Variants in DCP2 observed in about 807,000 individuals in gnomAD.
DCP2 encodes m7GpppN-mRNA hydrolase.
In DCP2, 30 loss-of-function variants were observed where a neutral mutation model predicts 56.1. The observed-to-expected ratio is 0.53, with a 90% confidence interval of 0.40 to 0.73. DCP2 has a LOEUF of 0.73. DCP2 is among the 30% of genes least tolerant of loss of function. The pLI is 0.00. For missense variants in DCP2, 533 were observed against 502.7 expected (o/e 1.06, Z -0.58); for synonymous variants, 197 against 163.3 (o/e 1.21, Z -1.57).
At chr5:113,009,982 T>G (rs1449166594) in intron 9 of DCP2, among the ~76,000 whole-genome samples, 1 of 150,766 alleles carries the variant, frequency 6.6e-6, no homozygotes, top group Non-Finnish European at 1.5e-5. Flanking sequence ...GCACGTACAT[T>G]GTTTACTGTA....
chr5:112,992,636 G>A (rs768389320), intron 3 of DCP2, 36 bp from the exon 4 acceptor site: 1 of 1,441,826 alleles, frequency 6.9e-7, no homozygotes. Context: ...TGGAAAAGGA[G>A]GGCAAGTTTG....
At chr5:112,986,175 C>A (rs1439494881) in intron 2 of DCP2, among the ~76,000 whole-genome samples, 189 bp downstream of exon 2, 2 of 151,982 alleles carry the variant, frequency 1.3e-5, no homozygotes, top group African/African-American at 4.8e-5. Flanking sequence ...ATCATTAATA[C>A]TCATAATAAT....
At chr5:113,008,312 G>A in intron 9 of DCP2, 1 of 273,276 alleles carries the variant, frequency 3.7e-6, no homozygotes. Flanking sequence ...CTGTTCTCTA[G>A]AGCAATTATT....
intron 2 of DCP2, among the ~76,000 whole-genome samples, chr5:112,990,120 A>C (rs954933199): frequency 1.3e-5 from 2 of 152,186 alleles, no homozygotes; most frequent in African/African-American, 2.4e-5. Context: ...CAAGAAAATG[A>C]GAAATGTAGG....
chr5:112,987,241 A>G (rs983028224), intron 2 of DCP2, among the ~76,000 whole-genome samples: 3 of 152,188 alleles, frequency 2.0e-5, no homozygotes, highest in African/African-American at 4.8e-5. Flanking sequence ...TTGAGGGAAT[A>G]TAGGATTTTC....
chr5:113,015,361 GTTTT>G lies in DCP2; in HGVS notation c.*1885_*1888del, dbSNP rs78406920. The G allele has an allele frequency of 6.9e-6, 1 of 145,980 alleles. No individual in the cohort carries two copies. The highest frequency in any genetic ancestry group is 2.5e-5 in the African/African-American group (1 of 39,962). The allele number at this position is 145,980 out of a possible 1,614,324, so 9.0% of individuals were successfully genotyped here. A position where few individuals can be genotyped will look rare whatever the true frequency, so the allele number is the denominator to read the frequency against. Reference sequence around the variant, plus strand: ...ACTGTTTTTTATTTTTTTGGTATGTGTTTTTTTTTTTCTTTTTAAGTGCATACTT... The same window carrying G: ...ACTGTTTTTTATTTTTTTGGTATGTGTTTTTTTCTTTTTAAGTGCATACTT... On this transcript the variant is annotated 3_prime_UTR_variant, in exon 11 of 11. Coordinates refer to ENST00000389063, the MANE Select transcript of DCP2 (RefSeq NM_152624.6).
chr5:112,984,706 A>G (rs1010122903), intron 1 of DCP2: 1 of 120,698 alleles, frequency 8.3e-6, no homozygotes, highest in African/African-American at 3.7e-5. Context: ...AAAAAAAAAT[A>G]TATATATATA....
intron 2 of DCP2, among the ~76,000 whole-genome samples, chr5:112,987,115 T>C (rs1748325982): frequency 6.6e-6 from 1 of 152,206 alleles, no homozygotes; most frequent in Admixed American, 6.5e-5. Context: ...ATATTTAACA[T>C]TATAAAAGAA....
chr5:112,987,595 G>A (rs1458791575), intron 2 of DCP2, among the ~76,000 whole-genome samples: 1 of 145,114 alleles, frequency 6.9e-6, no homozygotes, highest in Non-Finnish European at 1.5e-5. Flanking sequence ...TGGGACTACA[G>A]GTGCAAGCCA....
At chr5:113,011,600 ACTGT>A (rs1749683212) in intron 10 of DCP2, among the ~76,000 whole-genome samples, 1 of 152,202 alleles carries the variant, frequency 6.6e-6, no homozygotes, top group Non-Finnish European at 1.5e-5. Flanking sequence ...TTTCTGTAAT[ACTGT>A]CTGTGATTTA....
intron 3 of DCP2, among the ~76,000 whole-genome samples, 183 bp downstream of exon 3, chr5:112,992,431 G>C (rs947959676): frequency 1.3e-5 from 2 of 151,954 alleles, no homozygotes; most frequent in African/African-American, 4.8e-5. Flanking sequence ...ACTTGTTGCA[G>C]TTACGGTGTG....
intron 2 of DCP2, among the ~76,000 whole-genome samples, chr5:112,990,642 A>G (rs1040204289): frequency 6.6e-6 from 1 of 152,016 alleles, no homozygotes; most frequent in Non-Finnish European, 1.5e-5. Flanking sequence ...GGGTCTTACT[A>G]TGTTGCCCAG....
intron 2 of DCP2, among the ~76,000 whole-genome samples, chr5:112,990,412 C>T (rs1337543442): frequency 2.6e-5 from 4 of 152,300 alleles, no homozygotes; most frequent in Admixed American, 1.3e-4. Flanking sequence ...ACATTTGCTC[C>T]TTGGCTGAAG....
In DCP2 at chr5:113,013,561, T is replaced by C. The variant is rs760008039; in HGVS notation, c.*77T>C. ...AGTGGGTGTCTCCTCAAGCCTTACC[T>C]TTCTCAGGTGTTTTAAAGAAATGCA... On this transcript the variant is annotated 3_prime_UTR_variant, in exon 11 of 11. Transcript: ENST00000389063. The C allele has an allele frequency of 2.2e-5, 34 of 1,519,256 alleles. No individual in the cohort carries two copies. Among genetic ancestry groups the C allele is most frequent in the Non-Finnish European group, 2.9e-5 (32 of 1,120,416 alleles). 94.1% of individuals were successfully genotyped at this position (1,519,256 alleles called of 1,614,324 possible).
intron 2 of DCP2, among the ~76,000 whole-genome samples, chr5:112,987,603 C>T (rs1748354841): frequency 6.7e-6 from 1 of 148,252 alleles, no homozygotes; most frequent in African/African-American, 2.5e-5. Flanking sequence ...CAGGTGCAAG[C>T]CACCACACCT....
intron 1 of DCP2, among the ~76,000 whole-genome samples, chr5:112,977,688 G>T (rs551447691): frequency 6.6e-6 from 1 of 152,252 alleles, no homozygotes; most frequent in East Asian, 1.9e-4. Flanking sequence ...GAAATTTTCT[G>T]CATTCTTCCC....
intron 1 of DCP2, among the ~76,000 whole-genome samples, chr5:112,977,566 G>A (rs1037338134): frequency 6.6e-6 from 1 of 152,034 alleles, no homozygotes; most frequent in African/African-American, 2.4e-5. Flanking sequence ...ACTTGTCTTT[G>A]GGGGAGAGAG....
chr5:113,011,803 C>G (rs1326645441), intron 10 of DCP2, among the ~76,000 whole-genome samples: 1 of 152,072 alleles, frequency 6.6e-6, no homozygotes, highest in Non-Finnish European at 1.5e-5. Flanking sequence ...CATCAGAGAG[C>G]TTTTTTCCCT....
Position 113,021,449 on chromosome 5 carries a change from T to TA in DCP2, c.*7966dup, listed in dbSNP as rs1208654756. 5.0e-5 allele frequency among the ~76,000 whole-genome samples: 7 copies of TA among 139,662 alleles called. No homozygotes were observed. The highest frequency in any genetic ancestry group is 7.8e-5 in the Non-Finnish European group (5 of 64,182). The allele number at this position is 139,662 out of a possible 152,430, so 91.6% of individuals were successfully genotyped here. ...TCGAGAGTCTCTGCAAAAATGAAAA[T>TA]ACCTCAAACAATTAAGTTTGTTGCT... On this transcript the variant is annotated 3_prime_UTR_variant, in exon 11 of 11. Coordinates refer to ENST00000389063, the MANE Select transcript of DCP2 (RefSeq NM_152624.6).
Sources: allele counts gnomAD v4.1 joint callset (sites outside exome capture counted in the v4.1 genomes callset), GRCh38; gene constraint gnomAD v4.1.1; transcripts MANE v1.5; gene names NCBI Gene and HGNC (gene_info 2026-07-23, HGNC 2026-07-21).